The following EGF variants were observed in gnomAD, a reference collection of about 807,000 sequenced individuals.
EGF encodes pro-epidermal growth factor.
EGF carries 95 observed loss-of-function variants against 143.8 expected under a neutral mutation model. That is an observed-to-expected ratio of 0.66 (90% CI 0.56 to 0.78). EGF has a LOEUF of 0.78. Among genes scored for constraint, EGF ranks in the 30% least tolerant of loss-of-function variants. The pLI is 0.00. For synonymous variants in EGF, 510 were observed against 510.5 expected (o/e 1.00, Z 0.01); for missense variants, 1,320 against 1,470.9 (o/e 0.90, Z 1.68).
chr4:109,951,466 A>C (rs550811732), intron 5 of EGF, among the ~76,000 whole-genome samples: 1 of 151,898 alleles, frequency 6.6e-6, no homozygotes, highest in African/African-American at 2.4e-5. Flanking sequence ...ATCTGAGTAC[A>C]TAGGTTTTTT....
chr4:109,937,699 G>T (rs900589662), intron 1 of EGF, among the ~76,000 whole-genome samples: 1 of 152,136 alleles, frequency 6.6e-6, no homozygotes. Flanking sequence ...CTCTTGTAAG[G>T]CAGGCCTGGT....
In EGF at chr4:109,994,888, A is replaced by C. The variant is rs764713957; in HGVS notation, c.3005+8A>C. The C allele has an allele frequency of 1.3e-5, 21 of 1,613,998 alleles. No individual in the cohort carries two copies. The East Asian group carries it at 4.7e-4, about 36-fold the overall frequency. On this transcript the variant is annotated splice_region_variant and intron_variant, in intron 20 of 23. Coordinates refer to ENST00000265171, the MANE Select transcript of EGF (RefSeq NM_001963.6). ...GGACAAGTATGCATGCAAGTAAGTTAAACTGTCTTGCTGATGGCACAGAGA... is the reference window on the plus strand; with the variant it reads ...GGACAAGTATGCATGCAAGTAAGTTCAACTGTCTTGCTGATGGCACAGAGA...
chr4:109,932,866 A>G (rs2125980984), intron 1 of EGF, among the ~76,000 whole-genome samples: 1 of 152,274 alleles, frequency 6.6e-6, no homozygotes, highest in South Asian at 2.1e-4. Context: ...ACGAATTAGT[A>G]GCTATGAGTT....
intron 1 of EGF, among the ~76,000 whole-genome samples, chr4:109,928,297 C>T (rs764545920): frequency 5.3e-4 from 81 of 152,038 alleles, no homozygotes; most frequent in Admixed American, 9.2e-4. Context: ...GATCAGGAAA[C>T]GAGGGACAAC....
At chr4:109,982,520 G>T (rs1749536785) in intron 15 of EGF, among the ~76,000 whole-genome samples, 2 of 151,794 alleles carry the variant, frequency 1.3e-5, no homozygotes, top group South Asian at 4.2e-4. Context: ...TAGAGACAGG[G>T]TTTCACCATG....
intron 3 of EGF, 62 bp from the exon 4 acceptor site, chr4:109,943,780 G>T: frequency 7.2e-7 from 1 of 1,391,952 alleles, no homozygotes. Context: ...AACATTGAGA[G>T]AGTTGGCCAT....
At chr4:109,995,362 T>C (rs560600575) in intron 20 of EGF, among the ~76,000 whole-genome samples, 13 of 152,356 alleles carry the variant, frequency 8.5e-5, no homozygotes, top group African/African-American at 2.9e-4. Context: ...TATGTATATT[T>C]TTTCTTCACT....
intron 22 of EGF, among the ~76,000 whole-genome samples, chr4:110,005,188 G>A (rs928599796): frequency 1.3e-5 from 2 of 150,972 alleles, no homozygotes; most frequent in African/African-American, 4.9e-5. Context: ...TGGGACTACC[G>A]GCACACACCG....
chr4:109,955,049 A>G (rs1744576469), intron 5 of EGF, among the ~76,000 whole-genome samples: 1 of 152,230 alleles, frequency 6.6e-6, no homozygotes. Flanking sequence ...AATGGAAGAG[A>G]CTAGAAAGGC....
intron 18 of EGF, among the ~76,000 whole-genome samples, chr4:109,990,271 C>T (rs17041151): frequency 0.032 from 4,814 of 152,182 alleles, 227 homozygotes; most frequent in African/African-American, 0.11. Flanking sequence ...GCAAGGAAAA[C>T]GTGACCTAAA....
rs1560763867 is a variant in EGF at position 109,999,850 on chromosome 4, AC to A, written c.3173+7del. The A allele has an allele frequency of 6.2e-7, 1 of 1,613,044 alleles. No individual in the cohort carries two copies. Among genetic ancestry groups the A allele is most frequent in the African/African-American group, 1.3e-5 (1 of 75,008 alleles). ...TGTGGGGGGCCCACTACTACAGGTG[AC>A]CCTGTCTTTCCTTTGGTACTGGAAA... On this transcript the variant is annotated splice_donor_5th_base_variant and intron_variant, in intron 21 of 23. Transcript: ENST00000265171.
At position 109,980,830 on chromosome 4, in the gene EGF, A is replaced by G. The variant is rs781346964; in HGVS notation, c.2226A>G (p.Ala742=). The G allele has an allele frequency of 6.2e-7, 1 of 1,614,096 alleles. No homozygotes were observed. The highest frequency in any genetic ancestry group is 1.1e-5 in the South Asian group (1 of 91,088). ...VVVHPLAKPG[A]DPCLYQNGGC... is the part of the protein sequence containing the mutation. ...TTTGTTTCTTTTCTCTACTAGGAGC[A>G]GATCCCTGCTTATATCAAAACGGAG... Residue 742 remains alanine, a synonymous_variant, in exon 15 of 24, where the codon GCA becomes GCG. Transcript: ENST00000265171.
At chr4:109,992,170 T>TAAAAAAAAA (rs58841408) in intron 18 of EGF, among the ~76,000 whole-genome samples, 45 of 65,620 alleles carry the variant, frequency 6.9e-4, no homozygotes, top group East Asian at 3.6e-3. Context: ...CAAGATTCTT[T>TAAAAAAAAA]AAAAAAAAAA....
intron 11 of EGF, among the ~76,000 whole-genome samples, chr4:109,971,208 C>G (rs1560713898): frequency 6.6e-6 from 1 of 152,100 alleles, no homozygotes; most frequent in Non-Finnish European, 1.5e-5. Context: ...TCTTAATAGT[C>G]ATAAAGATGT....
In EGF at chr4:109,940,941, C is replaced by T. The variant is rs772338718; in HGVS notation, c.128-5C>T. The T allele has an allele frequency of 6.2e-7, 1 of 1,613,908 alleles. No individual in the cohort carries two copies. Among genetic ancestry groups the T allele is most frequent in the Admixed American group, 1.7e-5 (1 of 60,022 alleles). On this transcript the variant is annotated splice_polypyrimidine_tract_variant and splice_region_variant and intron_variant, in intron 1 of 23. Coordinates refer to ENST00000265171, the MANE Select transcript of EGF (RefSeq NM_001963.6). Reference sequence around the variant, plus strand: ...ATACAGTTTGGTCTCTTTCTTCCCACCCAGGTCCTGCACCCTTCTTAATTT... The same window carrying T: ...ATACAGTTTGGTCTCTTTCTTCCCATCCAGGTCCTGCACCCTTCTTAATTT...
At chr4:109,964,259 C>T (rs1746180270) in intron 9 of EGF, 142 bp from the exon 10 acceptor site, 2 of 1,167,016 alleles carry the variant, frequency 1.7e-6, no homozygotes, top group Admixed American at 1.8e-5. Context: ...CTGTCTTCAC[C>T]TATACCACAC....
intron 1 of EGF, among the ~76,000 whole-genome samples, chr4:109,924,090 T>G (rs1275558933): frequency 6.6e-6 from 1 of 151,734 alleles, no homozygotes; most frequent in Non-Finnish European, 1.5e-5. Flanking sequence ...TTAGTGCATA[T>G]AGAATATGAA....
At chr4:109,922,701 T>G (rs2125940494) in intron 1 of EGF, among the ~76,000 whole-genome samples, 1 of 151,796 alleles carries the variant, frequency 6.6e-6, no homozygotes, top group African/African-American at 2.4e-5. Flanking sequence ...TTCTCTCATC[T>G]TTGGTCAACG....
chr4:109,941,409 T>C (rs985864574), intron 2 of EGF, among the ~76,000 whole-genome samples: 1 of 152,156 alleles, frequency 6.6e-6, no homozygotes, highest in African/African-American at 2.4e-5. Flanking sequence ...CAGATCACCA[T>C]TTTATGATTA....
Sources: allele counts gnomAD v4.1 joint callset (sites outside exome capture counted in the v4.1 genomes callset), GRCh38; gene constraint gnomAD v4.1.1; transcripts MANE v1.5; gene names NCBI Gene and HGNC (gene_info 2026-07-23, HGNC 2026-07-21).